DIS3L2: variants seen among roughly 807,000 people sequenced by gnomAD.
DIS3L2 encodes the protein DIS3 like 3'-5' exoribonuclease 2, also known as DIS3-like exonuclease 2.
Under a neutral mutation model 97.5 loss-of-function variants are expected in DIS3L2, and 34 were observed. The ratio of observed to expected loss-of-function variants is 0.35; its 90% confidence interval spans 0.27 to 0.46. The LOEUF is 0.46. DIS3L2 is among the 20% of genes least tolerant of loss of function. The probability of loss-of-function intolerance (pLI) is 1.00; values close to 1 mark genes in which losing one functional copy is unlikely to be tolerated. For synonymous variants in DIS3L2, 435 were observed against 445.2 expected (o/e 0.98, Z 0.29); for missense variants, 1,038 against 1,146.0 (o/e 0.91, Z 1.36).
At chr2:232,098,849 T>G (rs1335828734) in intron 6 of DIS3L2, among the ~76,000 whole-genome samples, 1 of 152,232 alleles carries the variant, frequency 6.6e-6, no homozygotes, top group Non-Finnish European at 1.5e-5. Context: ...TCTATTAACT[T>G]TGTGTGGCAT....
chr2:232,270,921 G>GTCTCTCTC (rs149683438), intron 13 of DIS3L2, among the ~76,000 whole-genome samples: 1 of 62,572 alleles, frequency 1.6e-5, no homozygotes, highest in African/African-American at 5.9e-5. Context: ...TCTCTGTCTC[G>GTCTCTCTC]TCTCTCTCTC....
intron 4 of DIS3L2, among the ~76,000 whole-genome samples, chr2:232,026,641 T>C (rs1694667253): frequency 6.6e-6 from 1 of 151,936 alleles, no homozygotes; most frequent in Non-Finnish European, 1.5e-5. Context: ...CCCTGTGAAC[T>C]CCTTGTCTGA....
intron 10 of DIS3L2, 125 bp downstream of exon 10, chr2:232,210,530 C>A: frequency 1.2e-6 from 1 of 808,858 alleles, no homozygotes; most frequent in Non-Finnish European, 2.1e-6. Context: ...CGTGCCTGAA[C>A]TTGCCATAGG....
chr2:231,979,325 G>A (rs1693184819), intron 1 of DIS3L2, among the ~76,000 whole-genome samples: 1 of 152,084 alleles, frequency 6.6e-6, no homozygotes, highest in Admixed American at 6.6e-5. Context: ...CATGATCTCA[G>A]CTCACTGCAG....
chr2:232,299,472 A>G (rs1338735967), intron 13 of DIS3L2, among the ~76,000 whole-genome samples: 2 of 152,182 alleles, frequency 1.3e-5, no homozygotes, highest in African/African-American at 2.4e-5. Context: ...GCCATCCTGC[A>G]GCTCCTGCCC....
In DIS3L2 at chr2:231,988,529, T is replaced by G. The variant is rs139980618; in HGVS notation, c.-93-26306T>G. ...ATTTTGTGTCCTCCATTCCTCCAGA[T>G]TCCTTGAATAACACTAGACTTCTCC... is the stretch of plus-strand genomic sequence containing the variant. On this transcript the variant is annotated intron_variant, in intron 1 of 20. Transcript: ENST00000325385. Among the ~76,000 whole-genome samples, 497 of 152,324 alleles carry G rather than the reference T, an allele frequency of 3.3e-3. 2 individuals are homozygous for G. The highest frequency in any genetic ancestry group is 6.8e-3 in the Middle Eastern group (2 of 294).
chr2:232,105,075 C>T (rs1264800455), intron 6 of DIS3L2, among the ~76,000 whole-genome samples: 1 of 152,164 alleles, frequency 6.6e-6, no homozygotes, highest in Non-Finnish European at 1.5e-5. Context: ...GCCCTGGCCC[C>T]CCAAAGTGCT....
rs573192586 is a variant in DIS3L2 at position 232,241,090 on chromosome 2, C to T, written c.1317+2445C>T. On this transcript the variant is annotated intron_variant, in intron 11 of 20. Transcript: ENST00000325385. ...CCAGCTTGGCAGGCACAAGTGGCGCCGGCCCGCAACCTTGGACAGCAGCAG... is the reference window on the plus strand; with the variant it reads ...CCAGCTTGGCAGGCACAAGTGGCGCTGGCCCGCAACCTTGGACAGCAGCAG... 5.9e-5 allele frequency among the ~76,000 whole-genome samples: 9 copies of T among 152,348 alleles called. No homozygotes were observed. In the South Asian group the frequency reaches 6.2e-4, roughly 11 times the overall value.
chr2:232,070,569 C>T (rs1021996577), intron 5 of DIS3L2, among the ~76,000 whole-genome samples: 2 of 151,302 alleles, frequency 1.3e-5, no homozygotes, highest in East Asian at 3.9e-4. Context: ...TTGCTTGTAC[C>T]GGAGTTAGGT....
chr2:232,318,263 C>A (rs552809918), intron 14 of DIS3L2, among the ~76,000 whole-genome samples: 3 of 152,232 alleles, frequency 2.0e-5, no homozygotes, highest in Non-Finnish European at 2.9e-5. Flanking sequence ...CCCTTTCCCA[C>A]CATCAAACTT....
intron 11 of DIS3L2, among the ~76,000 whole-genome samples, chr2:232,244,189 G>A (rs1387784957): frequency 6.6e-6 from 1 of 152,230 alleles, no homozygotes; most frequent in Non-Finnish European, 1.5e-5. Flanking sequence ...AGACTCATTT[G>A]AGAGCGTTAG....
chr2:232,290,274 T>G (rs150892435), intron 13 of DIS3L2, among the ~76,000 whole-genome samples: 2 of 152,246 alleles, frequency 1.3e-5, no homozygotes, highest in South Asian at 4.1e-4. Context: ...CTGTTGCATA[T>G]TGCTCAGGCA....
At chr2:232,290,191 CAGA>C (rs1559195179) in intron 13 of DIS3L2, among the ~76,000 whole-genome samples, 1 of 152,256 alleles carries the variant, frequency 6.6e-6, no homozygotes, top group Non-Finnish European at 1.5e-5. Context: ...TTAGGATGAG[CAGA>C]TTGGCTGCAC....
intron 1 of DIS3L2, among the ~76,000 whole-genome samples, chr2:232,010,292 C>T (rs1694161525): frequency 6.6e-6 from 1 of 152,012 alleles, no homozygotes; most frequent in Admixed American, 6.6e-5. Context: ...TATCTTTCAT[C>T]TCTGTGTGTC....
chr2:232,254,716 A>G (rs1052970538), intron 12 of DIS3L2, among the ~76,000 whole-genome samples: 2 of 152,236 alleles, frequency 1.3e-5, no homozygotes, highest in African/African-American at 4.8e-5. Context: ...AGAAAGTGGC[A>G]AACTCTGTAA....
At chr2:232,316,011 G>A (rs1298568212) in intron 14 of DIS3L2, among the ~76,000 whole-genome samples, 1 of 152,206 alleles carries the variant, frequency 6.6e-6, no homozygotes, top group Non-Finnish European at 1.5e-5. Context: ...AGAGTAGACT[G>A]TGATGAATGG....
At position 232,037,609 on chromosome 2, in the gene DIS3L2, G is replaced by T. The variant is rs1694986436; in HGVS notation, c.366+7529G>T. 1.3e-5 allele frequency among the ~76,000 whole-genome samples: 2 copies of T among 152,204 alleles called. No homozygotes were observed. Among genetic ancestry groups the T allele is most frequent in the Admixed American group, 1.3e-4 (2 of 15,290 alleles). ...AAAAAAAACTCCTGCAGCTAGCTCGGTGTCTGCCCAAACGTCTGCCCAGTT... is the reference window on the plus strand; with the variant it reads ...AAAAAAAACTCCTGCAGCTAGCTCGTTGTCTGCCCAAACGTCTGCCCAGTT... On this transcript the variant is annotated intron_variant, in intron 5 of 20. Coordinates refer to ENST00000325385, the MANE Select transcript of DIS3L2 (RefSeq NM_152383.5). The surrounding 1 kb of genome is among the most constrained non-coding windows in gnomAD (Gnocchi z 4.6).
intron 14 of DIS3L2, among the ~76,000 whole-genome samples, chr2:232,322,482 T>C (rs1695462610): frequency 6.6e-6 from 1 of 152,190 alleles, no homozygotes; most frequent in South Asian, 2.1e-4. Flanking sequence ...CCCCTCCCCA[T>C]GCACTGGGTG....
At position 232,037,566 on chromosome 2, in the gene DIS3L2, A is replaced by G. The variant is rs967604309; in HGVS notation, c.366+7486A>G. ...AACAGTTCTCTCTCACTGGTATACCAGGAGTCACTGGGGTACGAAAAAAAA... is the reference window on the plus strand; with the variant it reads ...AACAGTTCTCTCTCACTGGTATACCGGGAGTCACTGGGGTACGAAAAAAAA... On this transcript the variant is annotated intron_variant, in intron 5 of 20. Coordinates refer to ENST00000325385, the MANE Select transcript of DIS3L2 (RefSeq NM_152383.5). The surrounding 1 kb of genome is among the most constrained non-coding windows in gnomAD (Gnocchi z 4.6). Among the ~76,000 whole-genome samples, 4 of 152,088 alleles carry G rather than the reference A, an allele frequency of 2.6e-5. No homozygotes were observed. The highest frequency in any genetic ancestry group is 9.7e-5 in the African/African-American group (4 of 41,410).
Sources: gnomAD v4.1 joint callset for allele counts (sites outside exome capture counted in the v4.1 genomes callset) on GRCh38, gnomAD v4.1.1 for gene constraint, Gnocchi (gnomAD v3.1) non-coding constraint, MANE v1.5 for transcripts, NCBI Gene and HGNC (gene_info 2026-07-23, HGNC 2026-07-21) for gene names.